SALL2: variants seen among roughly 807,000 people sequenced by gnomAD.
SALL2 encodes the protein spalt like transcription factor 2.
A neutral mutation model predicts 58.5 loss-of-function variants in SALL2; 32 were observed. That is an observed-to-expected ratio of 0.55 (90% CI 0.41 to 0.74). The LOEUF (loss-of-function observed/expected upper bound fraction) is 0.74, where lower values mean the gene tolerates loss of function less well. SALL2 is among the 30% of genes least tolerant of loss of function. SALL2 has a pLI of 0.00. For synonymous variants in SALL2, 516 were observed against 513.6 expected, an observed-to-expected ratio of 1.00 and a Z score of -0.06; for missense variants, 1,201 against 1,268.9, an observed-to-expected ratio of 0.95 and a Z score of 0.81.
chr14:21,526,466 G>A (rs907487097), upstream of SALL2: 2 of 1,299,994 alleles, frequency 1.5e-6, no homozygotes, highest in South Asian at 3.4e-5. Flanking sequence ...CTCAGAGCTC[G>A]GGAGAGTTTC....
At chr14:21,526,028 C>G (rs1017598423) in intron 1 of SALL2, 33 bp downstream of exon 1, 22 of 1,489,968 alleles carry the variant, frequency 1.5e-5, no homozygotes, top group African/African-American at 2.8e-5. Flanking sequence ...CCTCCGCCCC[C>G]ACCCCTGCCC....
chr14:21,535,332 G>T (rs1195522560), intron 1 of SALL2, among the ~76,000 whole-genome samples: 2 of 141,804 alleles, frequency 1.4e-5, no homozygotes, highest in Non-Finnish European at 3.0e-5. Context: ...GCGACAGAGC[G>T]AGACTCTCTC....
rs139561548 is a variant in SALL2 at position 21,524,192 on chromosome 14, C to G, written c.1530G>C (p.Val510=). The G allele has an allele frequency of 1.5e-3, 2,389 of 1,612,196 alleles. 12 individuals are homozygous for G. The highest frequency in any genetic ancestry group is 3.6e-3 in the Middle Eastern group (22 of 6,046). The change falls in exon 2 of 2, where the codon GTG becomes GTC. Residue 510 remains valine (V), a synonymous_variant. Coordinates refer to ENST00000537235, the MANE Select transcript of SALL2 (RefSeq NM_001364564.1). ...APGLPAFNKF[V]LMKAVEPKNK... ...TCTTGGGTTCCACTGCTTTCATGAG[C>G]ACAAACTTATTGAAAGCAGGGAGTC...
intron 1 of SALL2, among the ~76,000 whole-genome samples, chr14:21,533,486 G>A (rs1046690917): frequency 1.3e-5 from 2 of 151,976 alleles, no homozygotes; most frequent in African/African-American, 4.8e-5. Context: ...CTAAATATCT[G>A]GGTTTCTGAT....
Position 21,523,127 on chromosome 14 carries a change from G to GC in SALL2, c.2594dup (p.Lys866GlnfsTer84). On this transcript the variant is annotated frameshift_variant, in exon 2 of 2. Coordinates refer to ENST00000537235, the MANE Select transcript of SALL2 (RefSeq NM_001364564.1). LOFTEE classifies it high-confidence loss of function. The surrounding 1 kb of genome is among the most constrained non-coding windows in gnomAD (Gnocchi z 4.4). The stretch of plus-strand genomic sequence containing the variant: ...CCGGACTTGAGCTTCTCTCCGGTTT[G>GC]CCCCCCTCTTCCTTGCCTCCTAAAA... 1 of 1,614,130 alleles carries GC rather than the reference G, an allele frequency of 6.2e-7. No homozygotes were observed. The highest frequency in any genetic ancestry group is 8.5e-7 in the Non-Finnish European group (1 of 1,180,024).
chr14:21,522,444 G>T lies in SALL2; in HGVS notation c.*260C>A. The T allele has an allele frequency of 5.0e-6, 7 of 1,405,894 alleles. No homozygotes were observed. Among genetic ancestry groups the T allele is most frequent in the Non-Finnish European group, 5.5e-6 (6 of 1,083,782 alleles). The allele number at this position is 1,405,894 out of a possible 1,614,324, so 87.1% of individuals were successfully genotyped here. A position where few individuals can be genotyped will look rare whatever the true frequency, so the allele number is the denominator to read the frequency against. On this transcript the variant is annotated 3_prime_UTR_variant, in exon 2 of 2. Transcript: ENST00000537235. ...AGGGTCACACCAGGGAAGCTGGAGA[G>T]GGTTCCCCTTGAGAAAGCTGCAGAG...
intron 1 of SALL2, among the ~76,000 whole-genome samples, chr14:21,536,675 G>T (rs1419071465): frequency 6.6e-6 from 1 of 152,198 alleles, no homozygotes; most frequent in Non-Finnish European, 1.5e-5. Context: ...AACAAGCGGG[G>T]CTTCTCCCCA....
chr14:21,524,089 G>A lies in SALL2; in HGVS notation c.1633C>T (p.Arg545Cys), dbSNP rs1324657069. Reference protein sequence around the residue: ...SGVAESSTATRMQLSKLVTSL... With the variant: ...SGVAESSTATCMQLSKLVTSL... ...GTCACCAACTTACTTAGTTGCATGC[G>A]AGTTGCCGTGCTACTTTCTGCCACT... The change falls in exon 2 of 2, where the codon CGC (arginine) becomes TGC (cysteine). Residue 545 changes from arginine (R) to cysteine (C), a missense_variant. Arg to Cys is a radical substitution (Grantham distance 180, BLOSUM62 -3). Coordinates refer to ENST00000537235, the MANE Select transcript of SALL2 (RefSeq NM_001364564.1). The A allele has an allele frequency of 8.1e-6, 13 of 1,614,072 alleles. No homozygotes were observed. Among genetic ancestry groups the A allele is most frequent in the African/African-American group, 2.7e-5 (2 of 75,042 alleles).
rs1312118810 is a variant in SALL2, at chr14:21,523,156, C to G, written c.2566G>C (p.Gly856Arg). Residue 856 changes from glycine to arginine, a missense_variant, in exon 2 of 2, where the codon GGT (glycine) becomes CGT (arginine). Physicochemically the swap from Gly to Arg is moderately radical, Grantham distance 125. Coordinates refer to ENST00000537235, the MANE Select transcript of SALL2 (RefSeq NM_001364564.1). This position sits in a 1 kb window ranked among gnomAD's most constrained non-coding sequence, Gnocchi z 4.4. ...CCCTCTTCCTTGCCTCCTAAAACAC[C>G]ACTGCTTCCCTGCTCCATTGGCTGA... The part of the protein sequence containing the change: ...QPQPMEQGSS[G>R]VLGGKEEGGK... 5.0e-6 allele frequency: 8 copies of G among 1,614,162 alleles called. No homozygotes were observed. Among genetic ancestry groups the G allele is most frequent in the Non-Finnish European group, 6.8e-6 (8 of 1,180,024 alleles).
Position 21,526,288 on chromosome 14 carries a change from G to T in SALL2, c.-161C>A, listed in dbSNP as rs1566514082. ...GGGGGCAGGGAGCAGCGGCGGAGGG[G>T]GAGGGGAGCGAGGAGGCGGGGAGAA... On this transcript the variant is annotated 5_prime_UTR_variant, in exon 1 of 2. Coordinates refer to ENST00000537235, the MANE Select transcript of SALL2 (RefSeq NM_001364564.1). 1 of 1,439,418 alleles carries T rather than the reference G, an allele frequency of 6.9e-7. No individual in the cohort carries two copies. Among genetic ancestry groups the T allele is most frequent in the Non-Finnish European group, 9.1e-7 (1 of 1,100,844 alleles). 89.2% of individuals were successfully genotyped at this position (1,439,418 alleles called of 1,614,324 possible). A position where few individuals can be genotyped will look rare whatever the true frequency, so the allele number is the denominator to read the frequency against.
At chr14:21,528,345 T>A (rs1218303110), upstream of SALL2, among the ~76,000 whole-genome samples, 4 of 152,176 alleles carry the variant, frequency 2.6e-5, no homozygotes, top group African/African-American at 7.2e-5. Flanking sequence ...TTGGCTAATA[T>A]CAGCAGCATA....
chr14:21,524,734 A>T lies in SALL2; in HGVS notation c.988T>A (p.Cys330Ser), dbSNP rs1439607867. The T allele has an allele frequency of 7.4e-6, 12 of 1,611,768 alleles. No homozygotes were observed. The highest frequency in any genetic ancestry group is 1.6e-4 in the Middle Eastern group (1 of 6,078). Residue 330 changes from cysteine (C) to serine (S), a missense_variant, in exon 2 of 2, where the codon TGT becomes AGT. Physicochemically the swap from Cys to Ser is moderately radical, Grantham distance 112. Coordinates refer to ENST00000537235, the MANE Select transcript of SALL2 (RefSeq NM_001364564.1). ...PSTTGLLAAQ[C>S]LGAARGLEAT... Reference sequence around the variant, plus strand: ...TCAAGGCCTCGGGCTGCCCCAAGACACTGTGCTGCCAGTAGTCCCGTGGTG... The same window carrying T: ...TCAAGGCCTCGGGCTGCCCCAAGACTCTGTGCTGCCAGTAGTCCCGTGGTG...
chr14:21,525,756 GGAGA>G lies in SALL2; in HGVS notation c.68-106_68-103del. 7.7e-7 allele frequency: 1 copy of G among 1,303,632 alleles called. No homozygotes were observed. The highest frequency in any genetic ancestry group is 2.5e-5 in the East Asian group (1 of 39,608). 80.8% of individuals were successfully genotyped at this position (1,303,632 alleles called of 1,614,324 possible). On this transcript the variant is annotated intron_variant, in intron 1 of 1. Coordinates refer to ENST00000537235, the MANE Select transcript of SALL2 (RefSeq NM_001364564.1). This position sits in a 1 kb window ranked among gnomAD's most constrained non-coding sequence, Gnocchi z 4.4. The stretch of plus-strand genomic sequence containing the variant: ...GCCAGTAACCGCTAGTTGGGGGTGG[GGAGA>G]TGAGCTCACCATCAGGGCCATGCAG...
chr14:21,524,457 C>T lies in SALL2; in HGVS notation c.1265G>A (p.Arg422His), dbSNP rs538590182. 4 of 1,614,248 alleles carry T rather than the reference C, an allele frequency of 2.5e-6. No individual in the cohort carries two copies. In the South Asian group the frequency reaches 3.3e-5, roughly 13 times the overall value. Residue 422 changes from arginine to histidine, a missense_variant, in exon 2 of 2, where the codon CGT becomes CAT. Coordinates refer to ENST00000537235, the MANE Select transcript of SALL2 (RefSeq NM_001364564.1). ...GNLKVHFHRHREKYPHVQMNP... is the reference protein window; with the variant it reads ...GNLKVHFHRHHEKYPHVQMNP... ...CATCTGCACATGTGGGTACTTCTCA[C>T]GATGCCGGTGGAAATGCACTTTGAG...
chr14:21,522,173 G>A lies in SALL2; in HGVS notation c.*531C>T, dbSNP rs1395559568. On this transcript the variant is annotated 3_prime_UTR_variant, in exon 2 of 2. Transcript: ENST00000537235. ...GCACTGGTGGGGCCAGGCTTGGAGTGGTAGTGGAGGTGGAGCTGGAATTCC... is the reference window on the plus strand; with the variant it reads ...GCACTGGTGGGGCCAGGCTTGGAGTAGTAGTGGAGGTGGAGCTGGAATTCC... 1.9e-6 allele frequency: 3 copies of A among 1,597,848 alleles called. No homozygotes were observed. The highest frequency in any genetic ancestry group is 2.5e-6 in the Non-Finnish European group (3 of 1,179,632).
intron 1 of SALL2, among the ~76,000 whole-genome samples, chr14:21,535,009 C>T (rs528173035): frequency 9.2e-5 from 14 of 152,044 alleles, no homozygotes; most frequent in Non-Finnish European, 2.1e-4. Flanking sequence ...TTTTAGTCGC[C>T]ACCAATACAC....
intron 1 of SALL2, among the ~76,000 whole-genome samples, chr14:21,533,214 A>T (rs1293429018): frequency 6.6e-6 from 1 of 152,250 alleles, no homozygotes; most frequent in South Asian, 2.1e-4. Context: ...TTTCTTATCT[A>T]GTACTCTGTA....
exon 1 of SALL2, chr14:21,536,971 A>AC: frequency 6.5e-7 from 1 of 1,543,426 alleles, no homozygotes; most frequent in Non-Finnish European, 9.0e-7. Context: ...CTTGGTCTTA[A>AC]CCGGGGTGAC....
upstream of SALL2, among the ~76,000 whole-genome samples, chr14:21,529,280 G>T (rs1435387478): frequency 5.3e-5 from 8 of 152,130 alleles, no homozygotes; most frequent in Non-Finnish European, 7.4e-5. Flanking sequence ...GTCCGGGGTG[G>T]GACTAAGACC....
Sources: allele counts gnomAD v4.1 joint callset (sites outside exome capture counted in the v4.1 genomes callset), GRCh38; gene constraint gnomAD v4.1.1; non-coding constraint Gnocchi (gnomAD v3.1); transcripts MANE v1.5; gene names NCBI Gene and HGNC (gene_info 2026-07-23, HGNC 2026-07-21).